The following TTC29 variants were observed in gnomAD, a reference collection of about 807,000 sequenced individuals.
TTC29 encodes the protein tetratricopeptide repeat protein 29.
TTC29 carries 49 observed loss-of-function variants against 58.1 expected under a neutral mutation model. The observed-to-expected ratio is 0.84, with a 90% confidence interval of 0.67 to 1.07. The LOEUF (loss-of-function observed/expected upper bound fraction) is 1.07, where lower values mean the gene tolerates loss of function less well. TTC29 is among the 50% of genes least tolerant of loss of function. The pLI, the probability that TTC29 is intolerant of heterozygous loss-of-function variation, is 0.00. For missense variants in TTC29, 582 were observed against 555.6 expected (o/e 1.05, Z -0.48); for synonymous variants, 209 against 196.8 (o/e 1.06, Z -0.52).
Position 146,790,483 on chromosome 4 carries a change from G to A in TTC29, c.1330+12974C>T, listed in dbSNP as rs577772215. ...ATTACAGGCGTGAGCCACTGCACCC[G>A]GCCACTAAACCCAATCACTTTCTAT... is the stretch of plus-strand genomic sequence containing the variant. On this transcript the variant is annotated intron_variant, in intron 11 of 12. Transcript: ENST00000325106. 2.3e-3 allele frequency among the ~76,000 whole-genome samples: 355 copies of A among 151,736 alleles called. 2 individuals carry two copies. Among genetic ancestry groups the A allele is most frequent in the Non-Finnish European group, 4.4e-3 (301 of 67,926 alleles).
At chr4:146,848,387 T>C (rs1729311029) in intron 8 of TTC29, among the ~76,000 whole-genome samples, 1 of 152,160 alleles carries the variant, frequency 6.6e-6, no homozygotes, top group African/African-American at 2.4e-5. Flanking sequence ...TGAAGAATGG[T>C]AGGATAAAAT....
At chr4:146,742,982 T>A (rs1745274023) in intron 11 of TTC29, among the ~76,000 whole-genome samples, 1 of 152,080 alleles carries the variant, frequency 6.6e-6, no homozygotes, top group Non-Finnish European at 1.5e-5. Flanking sequence ...CAGATAGGAC[T>A]TTTTAAAGCA....
chr4:146,854,413 T>G (rs1030610302), intron 8 of TTC29, among the ~76,000 whole-genome samples: 2 of 152,168 alleles, frequency 1.3e-5, no homozygotes, highest in African/African-American at 4.8e-5. Context: ...CAAAAATATT[T>G]TGTGGCCACG....
chr4:146,886,695 T>C (rs886918640), intron 6 of TTC29, among the ~76,000 whole-genome samples: 1 of 152,166 alleles, frequency 6.6e-6, no homozygotes, highest in Non-Finnish European at 1.5e-5. Context: ...TTTCTTATCA[T>C]ACTTTTAATA....
intron 11 of TTC29, among the ~76,000 whole-genome samples, chr4:146,787,722 G>T (rs1190183887): frequency 1.3e-5 from 2 of 152,158 alleles, no homozygotes; most frequent in African/African-American, 4.8e-5. Flanking sequence ...CAGTGGGAGG[G>T]TATTGATTGG....
chr4:146,938,142 A>G (rs890351092), intron 3 of TTC29, among the ~76,000 whole-genome samples: 5 of 152,184 alleles, frequency 3.3e-5, no homozygotes, highest in African/African-American at 1.2e-4. Context: ...TTAATCACAC[A>G]TAAAACTCAA....
At chr4:146,827,630 C>G (rs1727896023) in intron 9 of TTC29, among the ~76,000 whole-genome samples, 1 of 152,160 alleles carries the variant, frequency 6.6e-6, no homozygotes, top group South Asian at 2.1e-4. Flanking sequence ...AGTTATGAAA[C>G]TGAAGAAAAC....
intron 7 of TTC29, among the ~76,000 whole-genome samples, chr4:146,872,337 C>G (rs1020499619): frequency 6.6e-6 from 1 of 151,906 alleles, no homozygotes; most frequent in Non-Finnish European, 1.5e-5. Flanking sequence ...TTGGTCAAAG[C>G]CTTCTTATTG....
intron 11 of TTC29, among the ~76,000 whole-genome samples, chr4:146,749,950 C>T (rs923788672): frequency 1.2e-4 from 18 of 152,040 alleles, no homozygotes; most frequent in Admixed American, 8.5e-4. Flanking sequence ...TGAAGCAAAA[C>T]GAAGGAGAAA....
At chr4:146,910,560 T>C (rs1211199422) in intron 4 of TTC29, among the ~76,000 whole-genome samples, 1 of 151,968 alleles carries the variant, frequency 6.6e-6, no homozygotes, top group East Asian at 1.9e-4. Context: ...GACCAGATCA[T>C]GAAGAGATCT....
intron 11 of TTC29, among the ~76,000 whole-genome samples, chr4:146,726,134 CA>C (rs1223119880): frequency 3.3e-5 from 5 of 152,090 alleles, no homozygotes. Context: ...CTTGGCCTCC[CA>C]AAATGTTTGG....
chr4:146,743,614 G>A (rs1227974610), intron 11 of TTC29, among the ~76,000 whole-genome samples: 1 of 152,190 alleles, frequency 6.6e-6, no homozygotes, highest in Non-Finnish European at 1.5e-5. Flanking sequence ...GCACAGTGGT[G>A]TCCTTCAAGT....
chr4:146,731,233 G>C (rs916553363), intron 11 of TTC29, among the ~76,000 whole-genome samples: 2 of 152,092 alleles, frequency 1.3e-5, no homozygotes, highest in African/African-American at 4.8e-5. Flanking sequence ...GTTTCTTGGT[G>C]AAATAGGAAG....
At chr4:146,859,511 C>T (rs904865811) in intron 8 of TTC29, among the ~76,000 whole-genome samples, 2 of 152,128 alleles carry the variant, frequency 1.3e-5, no homozygotes, top group African/African-American at 4.8e-5. Context: ...TGAATTCTGG[C>T]ATAACCCATT....
At chr4:146,822,636 G>A (rs913696587) in intron 9 of TTC29, among the ~76,000 whole-genome samples, 1 of 152,126 alleles carries the variant, frequency 6.6e-6, no homozygotes, top group Non-Finnish European at 1.5e-5. Flanking sequence ...TGGGATTGCT[G>A]GGTCAAATGA....
intron 10 of TTC29, among the ~76,000 whole-genome samples, chr4:146,818,880 A>G (rs993119061): frequency 2.0e-5 from 3 of 151,990 alleles, no homozygotes; most frequent in Non-Finnish European, 2.9e-5. Context: ...TGGGAATTGA[A>G]CAATGAGAAC....
At chr4:146,858,039 A>G (rs1403932261) in intron 8 of TTC29, among the ~76,000 whole-genome samples, 14 of 152,242 alleles carry the variant, frequency 9.2e-5, no homozygotes, top group Non-Finnish European at 4.4e-5. Flanking sequence ...AATACTACCT[A>G]CTACAGTATC....
chr4:146,745,253 T>C (rs570145398), intron 11 of TTC29, among the ~76,000 whole-genome samples: 21 of 152,236 alleles, frequency 1.4e-4, no homozygotes, highest in Admixed American at 3.9e-4. Context: ...GCTCAGACAA[T>C]TGAAACTCTG....
chr4:146,767,176 T>G (rs207465160), intron 11 of TTC29, among the ~76,000 whole-genome samples: 1 of 151,992 alleles, frequency 6.6e-6, no homozygotes, highest in African/African-American at 2.4e-5. Context: ...ATCATTCCCC[T>G]TGTAGTTAAT....
Sources: gnomAD v4.1 joint callset for allele counts (sites outside exome capture counted in the v4.1 genomes callset) on GRCh38, gnomAD v4.1.1 for gene constraint, MANE v1.5 for transcripts, NCBI Gene and HGNC (gene_info 2026-07-23, HGNC 2026-07-21) for gene names.